Variants in MCTP1 observed in about 807,000 individuals in gnomAD.
The protein encoded by MCTP1 is multiple C2 and transmembrane domain containing 1, also known as multiple C2 and transmembrane domain-containing protein 1.
Under a neutral mutation model 120.6 loss-of-function variants are expected in MCTP1, and 69 were observed. That is an observed-to-expected ratio of 0.57 (90% CI 0.47 to 0.70). MCTP1 has a LOEUF of 0.70. Among genes scored for constraint, MCTP1 ranks in the 30% least tolerant of loss-of-function variants. The pLI, the probability that MCTP1 is intolerant of heterozygous loss-of-function variation, is 0.00. For synonymous variants in MCTP1, 529 were observed against 493.1 expected, an observed-to-expected ratio of 1.07 and a Z score of -0.96; for missense variants, 1,203 against 1,248.8, an observed-to-expected ratio of 0.96 and a Z score of 0.55.
Position 94,708,578 on chromosome 5 carries a change from A to T in MCTP1, c.2862T>A (p.Ser954Arg), listed in dbSNP as rs1303683134. 1 of 1,611,050 alleles carries T rather than the reference A, an allele frequency of 6.2e-7. No individual in the cohort carries two copies. The highest frequency in any genetic ancestry group is 1.7e-4 in the Middle Eastern group (1 of 6,036). ...GTTCATTGTTATCAATTGCATATGG[A>T]CTCCGAAGCTTTTTTGTAAATTTAT... ...GINKFTKKLR[S>R]PYAIDNNELL... The change falls in exon 22 of 23, where the codon AGT becomes AGA. Residue 954 changes from serine to arginine, a missense_variant. By Grantham distance (110) the Ser-to-Arg change is moderately radical. Around this residue, in one of 2 missense-constraint regions of MCTP1, gnomAD observed 740 missense variants for 871.1 expected, o/e 0.85. Coordinates refer to ENST00000515393, the MANE Select transcript of MCTP1 (RefSeq NM_024717.7).
At chr5:94,970,539 TACA>T (rs2153575122) in intron 2 of MCTP1, among the ~76,000 whole-genome samples, 1 of 152,174 alleles carries the variant, frequency 6.6e-6, no homozygotes, top group East Asian at 1.9e-4. Context: ...ATTGAGCAAC[TACA>T]ACAACTATCC....
intron 1 of MCTP1, among the ~76,000 whole-genome samples, chr5:95,097,521 G>A: frequency 6.6e-6 from 1 of 152,228 alleles, no homozygotes; most frequent in East Asian, 1.9e-4. Flanking sequence ...TGGAGAGGTG[G>A]GCAGGAGCTT....
chr5:95,060,261 G>C (rs1748584169), intron 1 of MCTP1, among the ~76,000 whole-genome samples: 1 of 152,114 alleles, frequency 6.6e-6, no homozygotes, highest in South Asian at 2.1e-4. Context: ...GTGCTACAGG[G>C]GAAGTGAAGA....
intron 1 of MCTP1, among the ~76,000 whole-genome samples, chr5:95,169,258 G>A (rs1036587495): frequency 3.3e-5 from 5 of 152,314 alleles, no homozygotes; most frequent in South Asian, 2.1e-4. Context: ...ACTTGATCAT[G>A]GTGGATAAGC....
intron 1 of MCTP1, among the ~76,000 whole-genome samples, chr5:95,244,017 T>C (rs1338623810): frequency 6.6e-6 from 1 of 152,184 alleles, no homozygotes; most frequent in East Asian, 1.9e-4. Context: ...CTCTAGGATG[T>C]TTATACAGTG....
intron 2 of MCTP1, among the ~76,000 whole-genome samples, chr5:94,966,630 C>T (rs915102505): frequency 8.5e-5 from 13 of 152,082 alleles, no homozygotes; most frequent in Admixed American, 2.6e-4. Flanking sequence ...CCCGTCTCTA[C>T]TAAAAATACA....
intron 17 of MCTP1, 68 bp from the exon 18 acceptor site, chr5:94,799,200 A>G (rs1454761438): frequency 1.4e-6 from 2 of 1,430,834 alleles, no homozygotes; most frequent in African/African-American, 1.5e-5. Flanking sequence ...ACTCTTATTT[A>G]TACTCTACTT....
intron 1 of MCTP1, among the ~76,000 whole-genome samples, chr5:95,048,331 T>G (rs1745072195): frequency 6.6e-6 from 1 of 152,120 alleles, no homozygotes; most frequent in Admixed American, 6.6e-5. Context: ...TTACCAGAAC[T>G]TGCACCCCAT....
At chr5:94,759,015 T>C (rs574000546) in intron 19 of MCTP1, among the ~76,000 whole-genome samples, 9 of 152,348 alleles carry the variant, frequency 5.9e-5, no homozygotes, top group Admixed American at 1.3e-4. Context: ...TTTCAACTTA[T>C]AGTACATTTT....
chr5:94,744,346 G>A (rs1326629740), intron 19 of MCTP1, among the ~76,000 whole-genome samples: 1 of 152,208 alleles, frequency 6.6e-6, no homozygotes, highest in Non-Finnish European at 1.5e-5. Context: ...CCAGTTAGCA[G>A]CCTCTGTACT....
At chr5:94,868,766 A>G (rs189745324) in intron 16 of MCTP1, among the ~76,000 whole-genome samples, 133 of 152,098 alleles carry the variant, frequency 8.7e-4, no homozygotes, top group Non-Finnish European at 1.8e-3. Flanking sequence ...ACCTTTATTA[A>G]TTTTAAACTC....
At chr5:95,247,664 G>A (rs1358139226) in intron 1 of MCTP1, among the ~76,000 whole-genome samples, 2 of 152,174 alleles carry the variant, frequency 1.3e-5, no homozygotes, top group African/African-American at 2.4e-5. Flanking sequence ...TAGTCATTCA[G>A]GAGCAGGTTG....
intron 2 of MCTP1, among the ~76,000 whole-genome samples, chr5:95,004,495 G>A (rs1303999246): frequency 6.6e-6 from 1 of 152,204 alleles, no homozygotes; most frequent in Non-Finnish European, 1.5e-5. Flanking sequence ...TCCCATCACA[G>A]GCCAGGAGGC....
chr5:95,027,134 T>G (rs1839404792), intron 1 of MCTP1, among the ~76,000 whole-genome samples: 1 of 152,186 alleles, frequency 6.6e-6, no homozygotes, highest in African/African-American at 2.4e-5. Context: ...ACTATGATTA[T>G]CTGGAAGTCA....
At chr5:94,826,648 T>C in intron 17 of MCTP1, 1 of 754,048 alleles carries the variant, frequency 1.3e-6, no homozygotes, top group Non-Finnish European at 2.3e-6. Flanking sequence ...TCTTGAGGGT[T>C]TCTGGCACAG....
chr5:95,188,465 C>T (rs1749471405), intron 1 of MCTP1, among the ~76,000 whole-genome samples: 2 of 152,322 alleles, frequency 1.3e-5, no homozygotes, highest in East Asian at 3.9e-4. Context: ...CTAATGTTCA[C>T]AGCAGCTTTA....
intron 1 of MCTP1, among the ~76,000 whole-genome samples, chr5:95,033,086 A>G (rs1221782016): frequency 1.3e-5 from 2 of 151,980 alleles, no homozygotes; most frequent in Non-Finnish European, 2.9e-5. Context: ...TGAGTAATGA[A>G]ATATAATCAG....
At chr5:95,087,503 G>A (rs79352443) in intron 1 of MCTP1, among the ~76,000 whole-genome samples, 2,742 of 152,300 alleles carry the variant, frequency 0.018, 31 homozygotes, top group Middle Eastern at 0.024. Flanking sequence ...GACCAGATGT[G>A]GGAAGGGGCT....
At chr5:94,948,360 G>A (rs565548442) in intron 3 of MCTP1, among the ~76,000 whole-genome samples, 39 of 152,076 alleles carry the variant, frequency 2.6e-4, no homozygotes, top group Non-Finnish European at 4.4e-4. Context: ...ATGTGATTGC[G>A]GATTTCATTT....
Sources: allele counts gnomAD v4.1 joint callset (sites outside exome capture counted in the v4.1 genomes callset), GRCh38; gene constraint gnomAD v4.1.1; regional missense constraint gnomAD v4.1.1; transcripts MANE v1.5; gene names NCBI Gene and HGNC (gene_info 2026-07-23, HGNC 2026-07-21).